Variants in SGMS1 observed in about 807,000 individuals in gnomAD.
SGMS1 encodes sphingomyelin synthase 1.
In SGMS1, 13 loss-of-function variants were observed where a neutral mutation model predicts 46.2. That is an observed-to-expected ratio of 0.28 (90% confidence interval 0.18 to 0.45). The LOEUF (loss-of-function observed/expected upper bound fraction) is 0.45, where lower values mean the gene tolerates loss of function less well. SGMS1 is among the 20% of genes least tolerant of loss of function. SGMS1 has a pLI of 1.00. For synonymous variants in SGMS1, 203 were observed against 187.8 expected, an observed-to-expected ratio of 1.08 and a Z score of -0.66; for missense variants, 324 against 519.9, an observed-to-expected ratio of 0.62 and a Z score of 3.66.
chr10:50,544,984 AGGGAAG>A (rs2133823722), intron 2 of SGMS1, among the ~76,000 whole-genome samples: 1 of 152,336 alleles, frequency 6.6e-6, no homozygotes, highest in Non-Finnish European at 1.5e-5. Flanking sequence ...AAGGAGCACA[AGGGAAG>A]TGAAATGAAC....
chr10:50,370,362 ACATTTT>A, intron 6 of SGMS1, among the ~76,000 whole-genome samples: 1 of 151,952 alleles, frequency 6.6e-6, no homozygotes, highest in Non-Finnish European at 1.5e-5. Flanking sequence ...CTGTATAAAA[ACATTTT>A]CTTTATATCC....
intron 3 of SGMS1, among the ~76,000 whole-genome samples, chr10:50,491,448 C>A (rs1409389107): frequency 6.6e-6 from 1 of 152,176 alleles, no homozygotes; most frequent in Non-Finnish European, 1.5e-5. Context: ...TCAGAAAATT[C>A]TTCATCCAGC....
At chr10:50,356,832 C>A (rs1848158043) in intron 6 of SGMS1, among the ~76,000 whole-genome samples, 2 of 152,086 alleles carry the variant, frequency 1.3e-5, no homozygotes. Context: ...AAACCAAACA[C>A]CACATGTTCT....
intron 6 of SGMS1, among the ~76,000 whole-genome samples, chr10:50,416,135 C>G (rs1490735248): frequency 6.6e-6 from 1 of 152,164 alleles, no homozygotes; most frequent in Non-Finnish European, 1.5e-5. Context: ...CAATGAGGCA[C>G]TTTTAAATCA....
chr10:50,486,914 C>T (rs1837525675), intron 3 of SGMS1, among the ~76,000 whole-genome samples: 1 of 152,156 alleles, frequency 6.6e-6, no homozygotes, highest in Non-Finnish European at 1.5e-5. Context: ...AACCTAAATG[C>T]CCATCAATGA....
intron 3 of SGMS1, among the ~76,000 whole-genome samples, chr10:50,496,342 T>G (rs1009809459): frequency 6.6e-6 from 1 of 152,364 alleles, no homozygotes; most frequent in Non-Finnish European, 1.5e-5. Flanking sequence ...TCAATGGCTG[T>G]TCTTTATCCT....
intron 3 of SGMS1, among the ~76,000 whole-genome samples, chr10:50,469,512 G>C (rs955481070): frequency 2.6e-5 from 4 of 152,164 alleles, no homozygotes; most frequent in Non-Finnish European, 5.9e-5. Context: ...GACTCTATGA[G>C]TAAGCAAGTT....
chr10:50,380,855 A>C (rs540274742), intron 6 of SGMS1, among the ~76,000 whole-genome samples: 3 of 152,114 alleles, frequency 2.0e-5, no homozygotes, highest in Admixed American at 6.6e-5. Context: ...TTTGAGACAG[A>C]ATCTTACTAT....
Position 50,568,951 on chromosome 10 carries a change from T to C in SGMS1, c.-589+21202A>G, listed in dbSNP as rs551334391. Among the ~76,000 whole-genome samples, 14 of 152,098 alleles carry C rather than the reference T, an allele frequency of 9.2e-5. No individual in the cohort carries two copies. In the South Asian group the frequency reaches 2.7e-3, roughly 29 times the overall value. On this transcript the variant is annotated intron_variant, in intron 2 of 10. Coordinates refer to ENST00000361781, the MANE Select transcript of SGMS1 (RefSeq NM_147156.4). Reference sequence around the variant, plus strand: ...AAGAAAATGTGGCACATATACACCATGGAATACTATGCAGCCATAAAAAAG... The same window carrying C: ...AAGAAAATGTGGCACATATACACCACGGAATACTATGCAGCCATAAAAAAG...
At chr10:50,363,454 C>T (rs1848286037) in intron 6 of SGMS1, among the ~76,000 whole-genome samples, 1 of 152,180 alleles carries the variant, frequency 6.6e-6, no homozygotes, top group Non-Finnish European at 1.5e-5. Context: ...TAAAAGACCA[C>T]TTAATAAGTT....
At chr10:50,370,696 G>T (rs1028061893) in intron 6 of SGMS1, among the ~76,000 whole-genome samples, 4 of 150,502 alleles carry the variant, frequency 2.7e-5, no homozygotes, top group Non-Finnish European at 4.4e-5. Context: ...AGCCGAGATC[G>T]TGCCACTGTA....
chr10:50,436,495 G>A (rs572196534), intron 5 of SGMS1, among the ~76,000 whole-genome samples: 3 of 152,200 alleles, frequency 2.0e-5, no homozygotes, highest in South Asian at 2.1e-4. Context: ...GAACACTGGC[G>A]GTATCACTGG....
chr10:50,559,749 G>A (rs1478089990), intron 2 of SGMS1, among the ~76,000 whole-genome samples: 1 of 152,140 alleles, frequency 6.6e-6, no homozygotes, highest in Non-Finnish European at 1.5e-5. Flanking sequence ...CTTGAAGTGG[G>A]TGGCTAACAG....
At chr10:50,549,089 G>A (rs1838126806) in intron 2 of SGMS1, among the ~76,000 whole-genome samples, 1 of 152,218 alleles carries the variant, frequency 6.6e-6, no homozygotes, top group Admixed American at 6.5e-5. Context: ...CTTATATACT[G>A]TTGGTGGGAA....
At chr10:50,437,092 C>T (rs1194609516) in intron 5 of SGMS1, among the ~76,000 whole-genome samples, 1 of 152,164 alleles carries the variant, frequency 6.6e-6, no homozygotes, top group African/African-American at 2.4e-5. Context: ...TAATAAAGTT[C>T]ATGGCAAACA....
intron 6 of SGMS1, among the ~76,000 whole-genome samples, chr10:50,397,941 T>C (rs1005731311): frequency 6.6e-6 from 1 of 152,220 alleles, no homozygotes; most frequent in Non-Finnish European, 1.5e-5. Flanking sequence ...ACTCTGCCTC[T>C]AAGCCATTTC....
chr10:50,379,115 T>C (rs1848563664), intron 6 of SGMS1, among the ~76,000 whole-genome samples: 1 of 152,202 alleles, frequency 6.6e-6, no homozygotes, highest in Non-Finnish European at 1.5e-5. Context: ...ATGACAGTCA[T>C]AGGGCAATGT....
At chr10:50,594,504 C>G (rs920413577) in intron 1 of SGMS1, among the ~76,000 whole-genome samples, 3 of 152,100 alleles carry the variant, frequency 2.0e-5, no homozygotes, top group Admixed American at 6.5e-5. Context: ...TTTAAACAGG[C>G]AGTTGGTTAG....
intron 4 of SGMS1, among the ~76,000 whole-genome samples, chr10:50,462,393 A>G (rs545986084): frequency 6.9e-4 from 105 of 152,256 alleles, no homozygotes; most frequent in Non-Finnish European, 1.1e-3. Flanking sequence ...CAGGAAAGAG[A>G]GTATCATCTT....
Sources: gnomAD v4.1 joint callset for allele counts (sites outside exome capture counted in the v4.1 genomes callset) on GRCh38, gnomAD v4.1.1 for gene constraint, MANE v1.5 for transcripts, NCBI Gene and HGNC (gene_info 2026-07-23, HGNC 2026-07-21) for gene names.